ZHX2: variants seen among roughly 807,000 people sequenced by gnomAD.
The protein encoded by ZHX2 is zinc fingers and homeoboxes 2.
Under a neutral mutation model 21.9 loss-of-function variants are expected in ZHX2, and 6 were observed. The ratio of observed to expected loss-of-function variants is 0.27; its 90% CI spans 0.15 to 0.54. The LOEUF (loss-of-function observed/expected upper bound fraction) is 0.54. Ranked by LOEUF, ZHX2 falls within the 20% of genes least tolerant of loss-of-function variation. ZHX2 has a pLI of 0.95. For missense variants in ZHX2, 908 were observed against 1,090.7 expected (o/e 0.83, Z 2.36); for synonymous variants, 434 against 437.1 (o/e 0.99, Z 0.09).
chr8:122,857,323 T>C (rs574642227), intron 1 of ZHX2, among the ~76,000 whole-genome samples: 2 of 146,086 alleles, frequency 1.4e-5, no homozygotes, highest in South Asian at 2.2e-4. Context: ...GTGAGCAAAA[T>C]AGATGCTGCC....
intron 1 of ZHX2, among the ~76,000 whole-genome samples, chr8:122,853,216 C>G (rs989672437): frequency 1.3e-5 from 2 of 152,164 alleles, no homozygotes; most frequent in Non-Finnish European, 2.9e-5. Flanking sequence ...AAAGACTCAT[C>G]ATCATGATAC....
chr8:122,841,531 C>T (rs1260297400), intron 1 of ZHX2, among the ~76,000 whole-genome samples: 1 of 150,530 alleles, frequency 6.6e-6, no homozygotes, highest in African/African-American at 2.4e-5. Flanking sequence ...ATACAGGGCA[C>T]TTGGAGGGTC....
At chr8:122,821,532 TAAA>T (rs775665251) in intron 1 of ZHX2, among the ~76,000 whole-genome samples, 2 of 136,098 alleles carry the variant, frequency 1.5e-5, no homozygotes, top group Non-Finnish European at 1.6e-5. Context: ...ATCAAACACT[TAAA>T]AAAAAAAAAA....
intron 2 of ZHX2, among the ~76,000 whole-genome samples, chr8:122,920,121 A>C (rs1218393424): frequency 1.3e-5 from 2 of 152,144 alleles, no homozygotes; most frequent in Non-Finnish European, 2.9e-5. Flanking sequence ...TAAAACTACA[A>C]AAATTAGCCA....
At chr8:122,819,981 C>T (rs944479697) in intron 1 of ZHX2, among the ~76,000 whole-genome samples, 4 of 152,036 alleles carry the variant, frequency 2.6e-5, no homozygotes, top group Non-Finnish European at 5.9e-5. Flanking sequence ...TAGCTAAAGG[C>T]GTCCATAAAT....
chr8:122,944,578 A>C (rs1209283143), intron 2 of ZHX2, among the ~76,000 whole-genome samples: 3 of 152,056 alleles, frequency 2.0e-5, no homozygotes, highest in Non-Finnish European at 2.9e-5. Flanking sequence ...CCCGCTCTAC[A>C]CTTTTAATGT....
intron 2 of ZHX2, among the ~76,000 whole-genome samples, chr8:122,885,678 G>T (rs1819823244): frequency 6.6e-6 from 1 of 152,096 alleles, no homozygotes; most frequent in Admixed American, 6.6e-5. Context: ...GCATCTAGTG[G>T]GTGAAGGATT....
At chr8:122,909,409 G>T (rs1032932348) in intron 2 of ZHX2, among the ~76,000 whole-genome samples, 10 of 151,700 alleles carry the variant, frequency 6.6e-5, no homozygotes, top group African/African-American at 2.4e-4. Context: ...CTCCAGCCTG[G>T]GTGACAGAGC....
At position 122,944,132 on chromosome 8, in the gene ZHX2, C is replaced by G; in HGVS notation, c.-219-7160C>G. Among the ~76,000 whole-genome samples, 3 of 152,192 alleles carry G rather than the reference C, an allele frequency of 2.0e-5. 1 individual carries two copies. Among genetic ancestry groups the G allele is most frequent in the African/African-American group, 4.8e-5 (2 of 41,454 alleles). On this transcript the variant is annotated intron_variant, in intron 2 of 3. Coordinates refer to ENST00000314393, the MANE Select transcript of ZHX2 (RefSeq NM_014943.5). ...AGAATTCTACTCCCCCTTTGAAGCC[C>G]TGCTTATCCAGGAGAGACTGTGTGG...
intron 2 of ZHX2, among the ~76,000 whole-genome samples, chr8:122,899,062 A>G (rs1302828703): frequency 6.6e-6 from 1 of 152,164 alleles, no homozygotes; most frequent in African/African-American, 2.4e-5. Flanking sequence ...ACAGCCATGG[A>G]ACACCTATGC....
Position 122,956,282 on chromosome 8 carries a change from T to C in ZHX2, c.*4+2254T>C, listed in dbSNP as rs148205905. On this transcript the variant is annotated intron_variant, in intron 3 of 3. Coordinates refer to ENST00000314393, the MANE Select transcript of ZHX2 (RefSeq NM_014943.5). ...TGAGCACCTACTGTATGCCTGCTGCTACTCCAGGAGCTAGAAACAGTGCCA... is the reference window on the plus strand; with the variant it reads ...TGAGCACCTACTGTATGCCTGCTGCCACTCCAGGAGCTAGAAACAGTGCCA... 7.1e-3 allele frequency among the ~76,000 whole-genome samples: 1,076 copies of C among 152,322 alleles called. 16 individuals are homozygous for C. Among genetic ancestry groups the C allele is most frequent in the African/African-American group, 0.024 (1,004 of 41,572 alleles).
chr8:122,907,609 G>T (rs529245297), intron 2 of ZHX2, among the ~76,000 whole-genome samples: 7 of 152,272 alleles, frequency 4.6e-5, no homozygotes, highest in African/African-American at 1.7e-4. Flanking sequence ...AGAGGTATTG[G>T]ACAAATGAAA....
At chr8:122,786,798 A>T (rs1201337208) in intron 1 of ZHX2, among the ~76,000 whole-genome samples, 1 of 151,838 alleles carries the variant, frequency 6.6e-6, no homozygotes, top group Non-Finnish European at 1.5e-5. Context: ...CGGTACCAGC[A>T]CATGAGGTAC....
intron 2 of ZHX2, among the ~76,000 whole-genome samples, chr8:122,938,934 G>A (rs1812772448): frequency 1.3e-5 from 2 of 152,174 alleles, no homozygotes; most frequent in Non-Finnish European, 2.9e-5. Flanking sequence ...CAGTGATGGG[G>A]GATATATTTG....
chr8:122,923,745 A>G (rs1051656845), intron 2 of ZHX2, among the ~76,000 whole-genome samples: 6 of 152,202 alleles, frequency 3.9e-5, no homozygotes, highest in Non-Finnish European at 7.3e-5. Context: ...AGGCAAAGGC[A>G]GAGCTCAGAT....
chr8:122,800,148 G>A (rs371460387), intron 1 of ZHX2, among the ~76,000 whole-genome samples: 2 of 152,180 alleles, frequency 1.3e-5, no homozygotes, highest in South Asian at 2.1e-4. Context: ...GAGCCACCGC[G>A]CCTGGCCTAA....
chr8:122,933,806 C>T (rs1204150322), intron 2 of ZHX2, among the ~76,000 whole-genome samples: 1 of 152,096 alleles, frequency 6.6e-6, no homozygotes, highest in Admixed American at 6.5e-5. Context: ...TCATGAGTTA[C>T]CTCAATCTCC....
intron 1 of ZHX2, among the ~76,000 whole-genome samples, chr8:122,846,407 G>A (rs1000966035): frequency 3.3e-5 from 5 of 152,170 alleles, no homozygotes; most frequent in East Asian, 1.9e-4. Context: ...GAATGCTGCC[G>A]CTGGCTCTGA....
intron 2 of ZHX2, among the ~76,000 whole-genome samples, chr8:122,894,471 A>G (rs930728217): frequency 6.6e-6 from 1 of 152,152 alleles, no homozygotes; most frequent in Non-Finnish European, 1.5e-5. Context: ...AAAAAAATCC[A>G]TCTTATGAGT....
Sources: gnomAD v4.1 joint callset for allele counts (sites outside exome capture counted in the v4.1 genomes callset) on GRCh38, gnomAD v4.1.1 for gene constraint, MANE v1.5 for transcripts, NCBI Gene and HGNC (gene_info 2026-07-23, HGNC 2026-07-21) for gene names.